Variants in CRPPA observed in about 807,000 individuals in gnomAD.
The protein encoded by CRPPA is CDP-L-ribitol pyrophosphorylase A.
A neutral mutation model predicts 52.0 loss-of-function variants in CRPPA; 43 were observed. The ratio of observed to expected loss-of-function variants is 0.83; its 90% confidence interval spans 0.65 to 1.07. CRPPA has a LOEUF of 1.07. CRPPA is among the 50% of genes least tolerant of loss of function. CRPPA has a pLI of 0.00. For synonymous variants in CRPPA, 250 were observed against 203.5 expected (o/e 1.23, Z -1.94); for missense variants, 629 against 551.7 (o/e 1.14, Z -1.40).
intron 9 of CRPPA, among the ~76,000 whole-genome samples, chr7:16,102,943 T>C (rs1327905177): frequency 1.3e-5 from 2 of 152,142 alleles, no homozygotes; most frequent in Non-Finnish European, 2.9e-5. Context: ...GACCCAGGAA[T>C]CCCATTATTG....
chr7:16,237,680 C>T (rs2128405101), intron 8 of CRPPA, among the ~76,000 whole-genome samples: 1 of 152,258 alleles, frequency 6.6e-6, no homozygotes, highest in African/African-American at 2.4e-5. Flanking sequence ...ACTTTCTGTC[C>T]TGCATCCAGG....
rs558318039 is a variant in CRPPA at position 16,089,746 on chromosome 7, G to C, written c.*1949C>G. 5.3e-6 allele frequency: 1 copy of C among 187,782 alleles called. No individual in the cohort carries two copies. The highest frequency in any genetic ancestry group is 1.2e-5 in the Non-Finnish European group (1 of 86,622). 11.6% of individuals were successfully genotyped at this position (187,782 alleles called of 1,614,324 possible). A position where few individuals can be genotyped will look rare whatever the true frequency, so the allele number is the denominator to read the frequency against. On this transcript the variant is annotated 3_prime_UTR_variant, in exon 10 of 10. Coordinates refer to ENST00000407010, the MANE Select transcript of CRPPA (RefSeq NM_001101426.4). ...AACTAAATTATACTAAATGTTACCA[G>C]TTGCCTAGGGTAATGTCATAGTAAG...
chr7:16,337,324 T>C (rs1006283672), intron 3 of CRPPA, among the ~76,000 whole-genome samples: 2 of 152,044 alleles, frequency 1.3e-5, no homozygotes, highest in Admixed American at 1.3e-4. Context: ...ATGGAAAACC[T>C]AGACATATGT....
At chr7:16,204,352 A>C (rs1268718269) in intron 9 of CRPPA, among the ~76,000 whole-genome samples, 5 of 152,138 alleles carry the variant, frequency 3.3e-5, no homozygotes, top group Non-Finnish European at 2.9e-5. Flanking sequence ...GGAGGCCATC[A>C]TCTTAAGTGA....
At chr7:16,373,412 T>C (rs1226161208) in intron 3 of CRPPA, among the ~76,000 whole-genome samples, 1 of 152,234 alleles carries the variant, frequency 6.6e-6, no homozygotes, top group African/African-American at 2.4e-5. Context: ...CCTTTTATGA[T>C]CATTCGTTTG....
At chr7:16,416,597 G>A (rs985937655) in intron 1 of CRPPA, among the ~76,000 whole-genome samples, 1 of 152,068 alleles carries the variant, frequency 6.6e-6, no homozygotes, top group Non-Finnish European at 1.5e-5. Flanking sequence ...CACTCTGGGA[G>A]GCCGACGCAG....
At chr7:16,386,832 C>T (rs1787282153) in intron 2 of CRPPA, among the ~76,000 whole-genome samples, 1 of 151,512 alleles carries the variant, frequency 6.6e-6, no homozygotes, top group Admixed American at 6.6e-5. Context: ...ACCAGCCTGG[C>T]CAACAGGGGA....
chr7:16,418,618 A>G (rs1033156052), intron 1 of CRPPA, among the ~76,000 whole-genome samples: 3 of 152,192 alleles, frequency 2.0e-5, no homozygotes, highest in African/African-American at 7.2e-5. Context: ...CACAGGAGGA[A>G]CTACGAAACA....
Position 16,273,587 on chromosome 7 carries a change from T to C in CRPPA, c.933+4542A>G, listed in dbSNP as rs56859428. 5.6e-3 allele frequency among the ~76,000 whole-genome samples: 847 copies of C among 151,958 alleles called. 9 individuals carry two copies. The highest frequency in any genetic ancestry group is 0.019 in the African/African-American group (805 of 41,436). On this transcript the variant is annotated intron_variant, in intron 6 of 9. Transcript: ENST00000407010. Reference sequence around the variant, plus strand: ...GCATCCCACTGAAAGCCACTTCCACTCGTCAGTAAATCCTCCACATTCACC... The same window carrying C: ...GCATCCCACTGAAAGCCACTTCCACCCGTCAGTAAATCCTCCACATTCACC...
chr7:16,258,998 T>A lies in CRPPA; in HGVS notation c.948A>T (p.Thr316=). Residue 316 remains threonine, a synonymous_variant, in exon 7 of 10, where the codon ACA becomes ACT. Coordinates refer to ENST00000407010, the MANE Select transcript of CRPPA (RefSeq NM_001101426.4). ...TGCCAGCATGACCCAGAGCCTCAGATGTGACTTTTACATGCTAGTAGGAAA... is the reference window on the plus strand; with the variant it reads ...TGCCAGCATGACCCAGAGCCTCAGAAGTGACTTTTACATGCTAGTAGGAAA... The part of the protein sequence containing the change: ...LKSELNHVKV[T]SEALGHAGRH... The A allele has an allele frequency of 8.1e-6, 13 of 1,609,722 alleles. No homozygotes were observed. The highest frequency in any genetic ancestry group is 1.1e-5 in the Non-Finnish European group (13 of 1,177,606).
In CRPPA at chr7:16,216,250, G is replaced by A. The variant is rs981544355; in HGVS notation, c.1120-53C>T. ...AATATCATTCCCTTCAACTTTCTCT[G>A]GAGGGAAAAAACATTAAAGAAGCTC... On this transcript the variant is annotated intron_variant, in intron 8 of 9. Transcript: ENST00000407010. 13 of 1,224,498 alleles carry A rather than the reference G, an allele frequency of 1.1e-5. No homozygotes were observed. In the East Asian group the frequency reaches 1.8e-4, roughly 17 times the overall value. 75.9% of individuals were successfully genotyped at this position (1,224,498 alleles called of 1,614,324 possible).
intron 9 of CRPPA, among the ~76,000 whole-genome samples, chr7:16,096,629 T>A (rs749766100): frequency 1.2e-4 from 18 of 152,286 alleles, no homozygotes; most frequent in Non-Finnish European, 1.9e-4. Context: ...GAAAATTTTG[T>A]TGCCCAGGGT....
intron 8 of CRPPA, among the ~76,000 whole-genome samples, chr7:16,258,115 G>A (rs550393564): frequency 2.6e-5 from 4 of 152,024 alleles, no homozygotes; most frequent in South Asian, 2.1e-4. Flanking sequence ...GACTTAAACC[G>A]AATACTTTGC....
At chr7:16,277,778 C>G (rs1334389288) in intron 6 of CRPPA, among the ~76,000 whole-genome samples, 1 of 152,140 alleles carries the variant, frequency 6.6e-6, no homozygotes, top group Non-Finnish European at 1.5e-5. Flanking sequence ...TCTTCATAAT[C>G]TCTCTAATCT....
Position 16,399,706 on chromosome 7 carries a change from AACATGACTG to A in CRPPA, c.534+6346_534+6354del, listed in dbSNP as rs576083501. ...AGTGACACGTGAGCAACACGTGACC[AACATGACTG>A]ACATGACTGACATATGATTGACATG... On this transcript the variant is annotated intron_variant, in intron 2 of 9. Coordinates refer to ENST00000407010, the MANE Select transcript of CRPPA (RefSeq NM_001101426.4). Among the ~76,000 whole-genome samples the A allele has an allele frequency of 1.8e-3, 272 of 152,022 alleles. 1 individual carries two copies. Among genetic ancestry groups the A allele is most frequent in the Non-Finnish European group, 3.0e-3 (207 of 67,968 alleles).
At chr7:16,383,670 T>G (rs1787176371) in intron 2 of CRPPA, among the ~76,000 whole-genome samples, 1 of 152,234 alleles carries the variant, frequency 6.6e-6, no homozygotes, top group African/African-American at 2.4e-5. Flanking sequence ...TCCAGGCTGC[T>G]TTGTTTACCT....
chr7:16,415,785 T>C (rs1413044869), intron 1 of CRPPA, among the ~76,000 whole-genome samples: 2 of 152,168 alleles, frequency 1.3e-5, no homozygotes, highest in African/African-American at 2.4e-5. Flanking sequence ...CATTTTTAGC[T>C]CCTTTAGATG....
At chr7:16,176,789 C>T (rs1034967714) in intron 9 of CRPPA, among the ~76,000 whole-genome samples, 7 of 152,180 alleles carry the variant, frequency 4.6e-5, no homozygotes, top group African/African-American at 1.7e-4. Flanking sequence ...TTATTCTCCA[C>T]TGACCCTCCC....
chr7:16,334,251 C>T (rs1032202900), intron 3 of CRPPA, among the ~76,000 whole-genome samples: 3 of 152,186 alleles, frequency 2.0e-5, no homozygotes, highest in South Asian at 2.1e-4. Flanking sequence ...GAAGCAACTA[C>T]AGGTCAGCGA....
Sources: allele counts gnomAD v4.1 joint callset (sites outside exome capture counted in the v4.1 genomes callset), GRCh38; gene constraint gnomAD v4.1.1; transcripts MANE v1.5; gene names NCBI Gene and HGNC (gene_info 2026-07-23, HGNC 2026-07-21).